IQGAP1: variants seen among roughly 807,000 people sequenced by gnomAD.
The protein encoded by IQGAP1 is ras GTPase-activating-like protein IQGAP1.
IQGAP1 carries 66 observed loss-of-function variants against 215.6 expected under a neutral mutation model. The observed-to-expected ratio is 0.31, with a 90% CI of 0.25 to 0.38. The LOEUF (loss-of-function observed/expected upper bound fraction) is 0.38. Among genes scored for constraint, IQGAP1 ranks in the 10% least tolerant of loss-of-function variants. IQGAP1 has a pLI of 1.00. For missense variants in IQGAP1, 1,712 were observed against 1,997.1 expected (o/e 0.86, Z 2.72); for synonymous variants, 772 against 728.7 (o/e 1.06, Z -0.96).
chr15:90,430,945 A>G (rs756544206), intron 4 of IQGAP1, among the ~76,000 whole-genome samples: 2 of 148,112 alleles, frequency 1.4e-5, no homozygotes, highest in Non-Finnish European at 1.5e-5. Context: ...GACTTATACA[A>G]TATATTACAA....
chr15:90,486,378 C>G (rs1017341686), intron 31 of IQGAP1: 1 of 310,070 alleles, frequency 3.2e-6, no homozygotes, highest in Non-Finnish European at 5.8e-6. Context: ...TACATACTGC[C>G]AGCTTGTGTT....
In IQGAP1 at chr15:90,500,353, T is replaced by G; in HGVS notation, c.*245T>G. ...TGGTTTCTTCATTTTCTTCCATTACTTAGGAAAGAGTGGAAACTCCACTAA... is the reference window on the plus strand; with the variant it reads ...TGGTTTCTTCATTTTCTTCCATTACGTAGGAAAGAGTGGAAACTCCACTAA... On this transcript the variant is annotated 3_prime_UTR_variant, in exon 38 of 38. Coordinates refer to ENST00000268182, the MANE Select transcript of IQGAP1 (RefSeq NM_003870.4). 1 of 396,112 alleles carries G rather than the reference T, an allele frequency of 2.5e-6. No homozygotes were observed. The highest frequency in any genetic ancestry group is 4.3e-5 in the East Asian group (1 of 23,416). 24.5% of individuals were successfully genotyped at this position (396,112 alleles called of 1,614,324 possible). A position where few individuals can be genotyped will look rare whatever the true frequency, so the allele number is the denominator to read the frequency against.
At chr15:90,476,553 C>A in intron 23 of IQGAP1, 110 bp from the exon 24 acceptor site, 1 of 670,478 alleles carries the variant, frequency 1.5e-6, no homozygotes, top group Non-Finnish European at 2.4e-6. Context: ...GGGAATCTGC[C>A]AGTGCAGTAC....
In IQGAP1 at chr15:90,400,027, T is replaced by G. The variant is rs557598311; in HGVS notation, c.155+9154T>G. 2.8e-4 allele frequency among the ~76,000 whole-genome samples: 42 copies of G among 152,302 alleles called. 1 individual carries two copies. Among genetic ancestry groups the G allele is most frequent in the Non-Finnish European group, 4.3e-4 (29 of 68,022 alleles). On this transcript the variant is annotated intron_variant, in intron 2 of 37. Transcript: ENST00000268182. ...ACAAGTAACTTGATTTTTTTTTCCT[T>G]TTTTCGTGACTTGAAATTTGTAGAA...
At chr15:90,494,904 T>A in intron 36 of IQGAP1, 69 bp downstream of exon 36, 6 of 1,117,180 alleles carry the variant, frequency 5.4e-6, no homozygotes, top group Non-Finnish European at 7.8e-6. Flanking sequence ...TGCCTTTTTG[T>A]CTTCATTTCT....
At chr15:90,444,245 G>C (rs189718157) in intron 9 of IQGAP1, among the ~76,000 whole-genome samples, 1,691 of 85,586 alleles carry the variant, frequency 0.02, 15 homozygotes, top group Middle Eastern at 0.12. Context: ...CTTCAAAACT[G>C]TGTGTGTGTG....
chr15:90,426,094 C>G lies in IQGAP1; in HGVS notation c.156-16C>G. 2 of 1,584,144 alleles carry G rather than the reference C, an allele frequency of 1.3e-6. No individual in the cohort carries two copies. Among genetic ancestry groups the G allele is most frequent in the Non-Finnish European group, 1.7e-6 (2 of 1,170,092 alleles). On this transcript the variant is annotated splice_polypyrimidine_tract_variant and intron_variant, in intron 2 of 37. Transcript: ENST00000268182. ...CCTTCCCTTTCTTTTTTTGCATCCT[C>G]TCTCCTTTGGTGCAGGTGGATGGAA...
chr15:90,472,791 A>G (rs753156608), intron 18 of IQGAP1, 49 bp from the exon 19 acceptor site: 3 of 1,544,026 alleles, frequency 1.9e-6, no homozygotes, highest in Non-Finnish European at 2.6e-6. Flanking sequence ...GAAAACCTGC[A>G]TCCATTCTTG....
intron 2 of IQGAP1, among the ~76,000 whole-genome samples, chr15:90,408,359 GGAGTAATACGGTCCCTAAGCAA>G (rs1356193570): frequency 6.6e-6 from 1 of 152,132 alleles, no homozygotes; most frequent in Non-Finnish European, 1.5e-5. Context: ...ATTGAGACCA[GGAGTAATACGGTCCCTAAGCAA>G]GAGAGAAAGA....
Position 90,388,982 on chromosome 15 carries a change from C to T in IQGAP1, c.55+586C>T, listed in dbSNP as rs117700718. On this transcript the variant is annotated intron_variant, in intron 1 of 37. Coordinates refer to ENST00000268182, the MANE Select transcript of IQGAP1 (RefSeq NM_003870.4). ...GAAGCAGAAAATCCTCTGACTTCCTCATTTTCTGTTGTCGGCCCTGGACGT... is the reference window on the plus strand; with the variant it reads ...GAAGCAGAAAATCCTCTGACTTCCTTATTTTCTGTTGTCGGCCCTGGACGT... 1.5e-3 allele frequency among the ~76,000 whole-genome samples: 227 copies of T among 152,222 alleles called. 1 individual carries two copies. The highest frequency in any genetic ancestry group is 2.3e-3 in the Non-Finnish European group (158 of 68,018).
At chr15:90,492,380 G>A (rs142452087) in intron 34 of IQGAP1, among the ~76,000 whole-genome samples, 165 bp from the exon 35 acceptor site, 132 of 142,416 alleles carry the variant, frequency 9.3e-4, no homozygotes, top group African/African-American at 3.3e-3. Context: ...ACAGGAAGCC[G>A]TCAACCACTG....
chr15:90,483,288 G>C (rs1966083756), intron 28 of IQGAP1, 73 bp from the exon 29 acceptor site: 1 of 1,134,940 alleles, frequency 8.8e-7, no homozygotes, highest in African/African-American at 1.5e-5. Flanking sequence ...GCTTTTCTTT[G>C]CTAGCAAAGT....
At chr15:90,407,645 A>G (rs1964898791) in intron 2 of IQGAP1, among the ~76,000 whole-genome samples, 1 of 152,232 alleles carries the variant, frequency 6.6e-6, no homozygotes, top group Admixed American at 6.5e-5. Context: ...TTATTTAAAA[A>G]CAATTTTTAT....
chr15:90,432,527 C>T (rs1965316922), intron 4 of IQGAP1, among the ~76,000 whole-genome samples: 1 of 152,168 alleles, frequency 6.6e-6, no homozygotes, highest in African/African-American at 2.4e-5. Flanking sequence ...GTCTGACTTT[C>T]AAGTTGCTTA....
intron 5 of IQGAP1, among the ~76,000 whole-genome samples, chr15:90,437,526 A>G (rs1965386762): frequency 6.6e-6 from 1 of 152,220 alleles, no homozygotes; most frequent in African/African-American, 2.4e-5. Context: ...ATAGAAAGTT[A>G]TTAGTTATTT....
At chr15:90,418,538 G>A (rs1207962098) in intron 2 of IQGAP1, among the ~76,000 whole-genome samples, 2 of 152,120 alleles carry the variant, frequency 1.3e-5, no homozygotes, top group African/African-American at 4.8e-5. Context: ...AGTGAGCCGT[G>A]TGATTGGGCC....
chr15:90,430,268 C>T (rs1336094077), intron 4 of IQGAP1, among the ~76,000 whole-genome samples: 3 of 152,148 alleles, frequency 2.0e-5, no homozygotes, highest in African/African-American at 7.2e-5. Context: ...AACTGCCACA[C>T]TGTATGGTCA....
chr15:90,422,299 G>T (rs987250462), intron 2 of IQGAP1, among the ~76,000 whole-genome samples: 3 of 152,086 alleles, frequency 2.0e-5, no homozygotes, highest in African/African-American at 7.2e-5. Flanking sequence ...AGTGCAAATA[G>T]ATTATTAGCC....
At position 90,474,159 on chromosome 15, in the gene IQGAP1, G is replaced by A. The variant is rs377168863; in HGVS notation, c.2575+26G>A. Reference sequence around the variant, plus strand: ...GTGAGTAACTGGCTCCGCATGAAGAGTTGAGGCAGTGGCTGGGAGCCACCA... The same window carrying A: ...GTGAGTAACTGGCTCCGCATGAAGAATTGAGGCAGTGGCTGGGAGCCACCA... On this transcript the variant is annotated intron_variant, in intron 22 of 37. Transcript: ENST00000268182. 6 of 1,583,694 alleles carry A rather than the reference G, an allele frequency of 3.8e-6. No individual in the cohort carries two copies. In the African/African-American group the frequency reaches 8.1e-5, roughly 22 times the overall value.
Sources: allele counts gnomAD v4.1 joint callset (sites outside exome capture counted in the v4.1 genomes callset), GRCh38; gene constraint gnomAD v4.1.1; transcripts MANE v1.5; gene names NCBI Gene and HGNC (gene_info 2026-07-23, HGNC 2026-07-21).